Variants in SYT14 observed in about 807,000 individuals in gnomAD.
SYT14 encodes the protein synaptotagmin-14.
Under a neutral mutation model 74.2 loss-of-function variants are expected in SYT14, and 32 were observed. The ratio of observed to expected loss-of-function variants is 0.43; its 90% confidence interval spans 0.33 to 0.58. The LOEUF (loss-of-function observed/expected upper bound fraction) is 0.58, where lower values mean the gene tolerates loss of function less well. Among genes scored for constraint, SYT14 ranks in the 20% least tolerant of loss-of-function variants. The pLI is 0.05. For missense variants in SYT14, 791 were observed against 981.8 expected (o/e 0.81, Z 2.60); for synonymous variants, 298 against 337.7 (o/e 0.88, Z 1.29).
chr1:209,962,276 A>G (rs1192027226), intron 2 of SYT14, among the ~76,000 whole-genome samples: 2 of 151,422 alleles, frequency 1.3e-5, no homozygotes, highest in Admixed American at 6.6e-5. Flanking sequence ...TTTTTTATAT[A>G]TATATATAGC....
At chr1:210,005,951 C>T (rs973842495) in intron 2 of SYT14, among the ~76,000 whole-genome samples, 1 of 151,750 alleles carries the variant, frequency 6.6e-6, no homozygotes, top group Non-Finnish European at 1.5e-5. Context: ...CAATTTATTG[C>T]ATGTACTTAG....
chr1:210,066,116 C>T (rs1196892981), intron 5 of SYT14, among the ~76,000 whole-genome samples: 3 of 151,726 alleles, frequency 2.0e-5, no homozygotes, highest in Non-Finnish European at 2.9e-5. Context: ...TTTCTTAATC[C>T]AGTCTATCAT....
At chr1:209,980,382 C>T (rs1051695117) in intron 2 of SYT14, among the ~76,000 whole-genome samples, 1 of 151,998 alleles carries the variant, frequency 6.6e-6, no homozygotes, top group African/African-American at 2.4e-5. Flanking sequence ...AAAATTTTCT[C>T]CTGTTCTTTA....
At chr1:210,037,351 A>G (rs1412025006) in intron 5 of SYT14, among the ~76,000 whole-genome samples, 1 of 151,920 alleles carries the variant, frequency 6.6e-6, no homozygotes, top group Admixed American at 6.6e-5. Context: ...GCAGCCTATC[A>G]ATTTTGATTA....
At chr1:210,165,112 G>A (rs1207469863) in exon 10 of SYT14, 3 of 152,140 alleles carry the variant, frequency 2.0e-5, no homozygotes, top group Non-Finnish European at 4.4e-5. Context: ...AGCATGAAGA[G>A]GTTAAGCAGA....
At position 209,952,990 on chromosome 1, in the gene SYT14, C is replaced by G. The variant is rs1375348616; in HGVS notation, c.-486+234C>G. 5.7e-6 allele frequency: 8 copies of G among 1,403,390 alleles called. No homozygotes were observed. The African/African-American group carries it at 8.6e-5, about 15-fold the overall frequency. The allele number at this position is 1,403,390 out of a possible 1,614,324, so 86.9% of individuals were successfully genotyped here. A position where few individuals can be genotyped will look rare whatever the true frequency, so the allele number is the denominator to read the frequency against. The stretch of plus-strand genomic sequence containing the variant: ...TGGGCTAATAAAGCCTGGTTTCTAG[C>G]ATATTGGTTGTTAGACATGGTGAAG... On this transcript the variant is annotated intron_variant, in intron 2 of 9. Coordinates refer to ENST00000637265, the Ensembl canonical transcript of SYT14.
intron 5 of SYT14, among the ~76,000 whole-genome samples, chr1:210,041,268 A>T (rs986624510): frequency 6.6e-6 from 1 of 152,118 alleles, no homozygotes; most frequent in East Asian, 1.9e-4. Context: ...CTTTAGGTCA[A>T]CCCTCTTGAG....
chr1:210,063,741 G>C (rs1403158936), intron 5 of SYT14, among the ~76,000 whole-genome samples: 1 of 151,740 alleles, frequency 6.6e-6, no homozygotes, highest in East Asian at 1.9e-4. Flanking sequence ...AGCTGGAATT[G>C]GTTATTAGTA....
chr1:209,990,560 C>CGT (rs2079660637), intron 2 of SYT14, among the ~76,000 whole-genome samples: 1 of 33,018 alleles, frequency 3.0e-5, no homozygotes, highest in African/African-American at 1.2e-4. Flanking sequence ...TATATATATA[C>CGT]GTATATATAT....
chr1:209,948,562 G>T (rs1403578595), intron 1 of SYT14, among the ~76,000 whole-genome samples: 1 of 152,170 alleles, frequency 6.6e-6, no homozygotes, highest in Non-Finnish European at 1.5e-5. Context: ...TATTATCTCC[G>T]CAAGTATAGT....
exon 4 of SYT14, chr1:210,016,659 C>T: frequency 2.4e-6 from 3 of 1,231,684 alleles, no homozygotes; most frequent in East Asian, 6.3e-5. Context: ...TATGTTGGTA[C>T]AGATAATTGT....
intron 5 of SYT14, among the ~76,000 whole-genome samples, chr1:210,070,658 C>T (rs544600291): frequency 2.6e-5 from 4 of 152,028 alleles, no homozygotes; most frequent in Admixed American, 6.6e-5. Context: ...AACAAATGCC[C>T]GTTGTTTACC....
chr1:209,984,259 G>T (rs1488645334), intron 2 of SYT14, among the ~76,000 whole-genome samples: 3 of 152,194 alleles, frequency 2.0e-5, no homozygotes, highest in African/African-American at 7.2e-5. Context: ...TTGCCAAGGT[G>T]GGGGCTGAAG....
At chr1:210,096,465 C>G (rs535529865) in intron 6 of SYT14, among the ~76,000 whole-genome samples, 1 of 152,230 alleles carries the variant, frequency 6.6e-6, no homozygotes, top group East Asian at 1.9e-4. Context: ...ATCAGAAATC[C>G]ATTAACACAC....
intron 2 of SYT14, among the ~76,000 whole-genome samples, chr1:209,968,213 T>C (rs1183043296): frequency 6.6e-6 from 1 of 152,134 alleles, no homozygotes; most frequent in African/African-American, 2.4e-5. Flanking sequence ...TTTTCTAAAA[T>C]AGACATTGAG....
intron 2 of SYT14, among the ~76,000 whole-genome samples, chr1:209,954,488 T>G (rs540266802): frequency 6.6e-6 from 1 of 152,300 alleles, no homozygotes; most frequent in East Asian, 1.9e-4. Flanking sequence ...GAAAAGTATC[T>G]GAATCTCTGT....
At chr1:210,153,155 A>G (rs1223783275) in intron 7 of SYT14, among the ~76,000 whole-genome samples, 2 of 152,112 alleles carry the variant, frequency 1.3e-5, no homozygotes, top group African/African-American at 2.4e-5. Context: ...ATCATAGGGT[A>G]TGTGTATTTA....
At chr1:210,057,760 A>G (rs1658863880) in intron 5 of SYT14, among the ~76,000 whole-genome samples, 1 of 152,066 alleles carries the variant, frequency 6.6e-6, no homozygotes, top group Admixed American at 6.5e-5. Context: ...TTTTGCATTC[A>G]TCTTGATATG....
intron 2 of SYT14, among the ~76,000 whole-genome samples, chr1:209,961,763 CT>C (rs2079079153): frequency 1.3e-5 from 2 of 151,956 alleles, no homozygotes; most frequent in South Asian, 4.1e-4. Context: ...AAGGCATGAC[CT>C]GATTTTTTCT....
Sources: gnomAD v4.1 joint callset for allele counts (sites outside exome capture counted in the v4.1 genomes callset) on GRCh38, gnomAD v4.1.1 for gene constraint, MANE v1.5 for transcripts, NCBI Gene and HGNC (gene_info 2026-07-23, HGNC 2026-07-21) for gene names.